EBF1: variants seen among roughly 807,000 people sequenced by gnomAD.
EBF1 encodes the protein EBF transcription factor 1, also known as transcription factor COE1.
EBF1 carries 10 observed loss-of-function variants against 68.4 expected under a neutral mutation model. That is an observed-to-expected ratio of 0.15 (90% CI 0.09 to 0.25). EBF1 has a LOEUF of 0.25. Among genes scored for constraint, EBF1 ranks in the 10% least tolerant of loss-of-function variants. EBF1 has a pLI of 1.00. For missense variants in EBF1, 509 were observed against 794.4 expected (o/e 0.64, Z 4.32); for synonymous variants, 298 against 299.8 (o/e 0.99, Z 0.06).
intron 6 of EBF1, among the ~76,000 whole-genome samples, chr5:158,989,978 T>A (rs1452002739): frequency 6.6e-6 from 1 of 151,746 alleles, no homozygotes; most frequent in Admixed American, 6.6e-5. Flanking sequence ...AGATGGAAAA[T>A]GATGAGTGTT....
At chr5:158,918,572 A>C (rs1318191399) in intron 6 of EBF1, among the ~76,000 whole-genome samples, 2 of 152,248 alleles carry the variant, frequency 1.3e-5, no homozygotes, top group East Asian at 1.9e-4. Context: ...ACTGAGATTT[A>C]ATAATTTACT....
intron 6 of EBF1, among the ~76,000 whole-genome samples, chr5:158,962,694 C>G (rs769655830): frequency 3.9e-5 from 6 of 152,198 alleles, no homozygotes; most frequent in Non-Finnish European, 4.4e-5. Context: ...TAGGTACTTA[C>G]AGTTCAGGGT....
At chr5:158,952,846 C>T (rs1387122393) in intron 6 of EBF1, among the ~76,000 whole-genome samples, 1 of 152,074 alleles carries the variant, frequency 6.6e-6, no homozygotes, top group Non-Finnish European at 1.5e-5. Flanking sequence ...AAAACTGCGG[C>T]TAGGGACATA....
At chr5:158,826,532 T>C (rs1256724933) in intron 7 of EBF1, among the ~76,000 whole-genome samples, 1 of 152,230 alleles carries the variant, frequency 6.6e-6, no homozygotes, top group African/African-American at 2.4e-5. Flanking sequence ...TTCTTGAAGA[T>C]GTCCAAGTTA....
chr5:158,723,150 T>C (rs1411400902), intron 11 of EBF1, among the ~76,000 whole-genome samples: 18 of 152,176 alleles, frequency 1.2e-4, no homozygotes, highest in Non-Finnish European at 1.5e-5. Context: ...TTTGTCTGCA[T>C]TTACATGTGA....
At chr5:159,094,112 C>T (rs1259521990) in intron 4 of EBF1, among the ~76,000 whole-genome samples, 1 of 42,698 alleles carries the variant, frequency 2.3e-5, no homozygotes, top group Admixed American at 3.5e-4. Flanking sequence ...TTTGACATCG[C>T]AAAAGAAAAA....
At chr5:159,031,777 G>C (rs1768944651) in intron 6 of EBF1, among the ~76,000 whole-genome samples, 2 of 152,320 alleles carry the variant, frequency 1.3e-5, no homozygotes, top group Middle Eastern at 6.8e-3. Flanking sequence ...TCGCTGCGCT[G>C]CTGGCAGAAG....
intron 6 of EBF1, among the ~76,000 whole-genome samples, chr5:158,997,706 A>C (rs1178169602): frequency 6.6e-6 from 1 of 152,110 alleles, no homozygotes; most frequent in African/African-American, 2.4e-5. Context: ...CACATGTAAC[A>C]TGTCATCCCT....
At chr5:158,932,975 G>C (rs1583274749) in intron 6 of EBF1, among the ~76,000 whole-genome samples, 1 of 152,200 alleles carries the variant, frequency 6.6e-6, no homozygotes, top group South Asian at 2.1e-4. Flanking sequence ...ACTTTACAGA[G>C]TGATAGACAC....
chr5:159,020,319 C>T (rs1766422245), intron 6 of EBF1, among the ~76,000 whole-genome samples: 3 of 152,090 alleles, frequency 2.0e-5, no homozygotes, highest in African/African-American at 4.8e-5. Flanking sequence ...TGAGAATGGC[C>T]GCAAGAGGCT....
At chr5:158,930,268 TTTTG>T (rs922174550) in intron 6 of EBF1, among the ~76,000 whole-genome samples, 3 of 110,114 alleles carry the variant, frequency 2.7e-5, no homozygotes, top group African/African-American at 5.5e-5. Context: ...TTGTTTTTTT[TTTTG>T]TTTGTTTTTT....
chr5:158,716,026 C>T (rs1488113024), intron 11 of EBF1, among the ~76,000 whole-genome samples: 6 of 152,216 alleles, frequency 3.9e-5, no homozygotes, highest in Non-Finnish European at 7.4e-5. Context: ...TTGTCAAAAG[C>T]GTGATGAGGC....
At chr5:158,706,394 G>A (rs1436987628) in intron 15 of EBF1, among the ~76,000 whole-genome samples, 1 of 152,010 alleles carries the variant, frequency 6.6e-6, no homozygotes, top group Non-Finnish European at 1.5e-5. Flanking sequence ...GGGGTCACAT[G>A]GCTTGTGTTC....
At chr5:158,905,005 A>G (rs1350169371) in intron 6 of EBF1, among the ~76,000 whole-genome samples, 1 of 152,196 alleles carries the variant, frequency 6.6e-6, no homozygotes, top group African/African-American at 2.4e-5. Flanking sequence ...GTGAATTCTC[A>G]TATTATTCAC....
intron 6 of EBF1, among the ~76,000 whole-genome samples, chr5:158,931,596 A>C (rs1443449734): frequency 6.6e-6 from 1 of 152,234 alleles, no homozygotes; most frequent in Non-Finnish European, 1.5e-5. Context: ...TAAACTAGTT[A>C]GCTGCAGAGG....
intron 6 of EBF1, among the ~76,000 whole-genome samples, chr5:159,065,763 C>T (rs1776691598): frequency 6.6e-6 from 1 of 152,074 alleles, no homozygotes; most frequent in Non-Finnish European, 1.5e-5. Flanking sequence ...ACATGGGCAG[C>T]TTGATTACTA....
At position 159,099,527 on chromosome 5, in the gene EBF1, A is replaced by T. The variant is rs1013785706; in HGVS notation, c.-49T>A. On this transcript the variant is annotated 5_prime_UTR_variant, in exon 1 of 16. Transcript: ENST00000313708. ...AATCTCCTCCCCCTTGAAAAAAATT[A>T]AAAAAAAAAAAAAAGGAAAGAAAAG... 24 of 38,706 alleles carry T rather than the reference A, an allele frequency of 6.2e-4. No individual in the cohort carries two copies. Among genetic ancestry groups the T allele is most frequent in the South Asian group, 6.2e-3 (11 of 1,778 alleles). The allele number at this position is 38,706 out of a possible 1,614,324, so 2.4% of individuals were successfully genotyped here.
chr5:159,073,672 G>A (rs1340097794), intron 5 of EBF1: 7 of 557,402 alleles, frequency 1.3e-5, no homozygotes, highest in Non-Finnish European at 9.5e-6. Context: ...CTCAAAGAAG[G>A]AGGTGGGGGA....
chr5:158,915,375 A>G (rs2127382806), intron 6 of EBF1, among the ~76,000 whole-genome samples: 1 of 152,378 alleles, frequency 6.6e-6, no homozygotes, highest in East Asian at 1.9e-4. Flanking sequence ...AACAAAAGGA[A>G]ACAATAGTCA....
Sources: gnomAD v4.1 joint callset for allele counts (sites outside exome capture counted in the v4.1 genomes callset) on GRCh38, gnomAD v4.1.1 for gene constraint, MANE v1.5 for transcripts, NCBI Gene and HGNC (gene_info 2026-07-23, HGNC 2026-07-21) for gene names.